Variants in ARL9 observed in about 807,000 individuals in gnomAD.
ARL9 encodes the protein ADP-ribosylation factor-like protein 9.
Under a neutral mutation model 27.0 loss-of-function variants are expected in ARL9, and 14 were observed. The observed-to-expected ratio is 0.52, with a 90% CI of 0.34 to 0.81. The LOEUF is 0.81. ARL9 is among the 30% of genes least tolerant of loss of function. ARL9 has a pLI of 0.01. For synonymous variants in ARL9, 106 were observed against 108.7 expected, an observed-to-expected ratio of 0.98 and a Z score of 0.15; for missense variants, 294 against 290.0, an observed-to-expected ratio of 1.01 and a Z score of -0.10.
intron 3 of ARL9, among the ~76,000 whole-genome samples, chr4:56,520,486 A>G (rs552983046): frequency 4.6e-5 from 7 of 152,282 alleles, no homozygotes; most frequent in Non-Finnish European, 1.0e-4. Flanking sequence ...TGGAGTGGTG[A>G]TTTCCATGGG....
At chr4:56,521,408 A>G (rs1408326787) in intron 3 of ARL9, among the ~76,000 whole-genome samples, 7 of 152,108 alleles carry the variant, frequency 4.6e-5, no homozygotes, top group African/African-American at 1.4e-4. Context: ...CCAATTTTTT[A>G]TTGTTCTTAA....
intron 2 of ARL9, among the ~76,000 whole-genome samples, chr4:56,512,538 CTT>C (rs34744797): frequency 0.016 from 2,058 of 129,978 alleles, 19 homozygotes; most frequent in Non-Finnish European, 0.024. Context: ...ATCAATCATT[CTT>C]TTTTTTTTTT....
chr4:56,508,090 G>A (rs967391262), intron 1 of ARL9, among the ~76,000 whole-genome samples: 4 of 152,030 alleles, frequency 2.6e-5, no homozygotes, highest in Admixed American at 2.6e-4. Context: ...AATGAATGAA[G>A]TATGTTGGGG....
intron 2 of ARL9, among the ~76,000 whole-genome samples, chr4:56,515,745 A>G (rs1721751018): frequency 6.6e-6 from 1 of 152,226 alleles, no homozygotes; most frequent in South Asian, 2.1e-4. Context: ...GAATAAATCA[A>G]ACAAAAAAAG....
At chr4:56,507,318 T>C (rs950612700) in intron 1 of ARL9, among the ~76,000 whole-genome samples, 2 of 151,886 alleles carry the variant, frequency 1.3e-5, no homozygotes, top group Admixed American at 6.6e-5. Context: ...CTGATATTTT[T>C]GTTTTTGTTT....
intron 1 of ARL9, among the ~76,000 whole-genome samples, chr4:56,507,522 C>T (rs1578206423): frequency 1.3e-5 from 2 of 150,818 alleles, no homozygotes; most frequent in Non-Finnish European, 3.0e-5. Context: ...GCCATGTTGC[C>T]CAGGCTGGTC....
rs536813415 is a variant in ARL9 at position 56,511,882 on chromosome 4, A to G, written c.442+535A>G. ...ACCATCTATATGCTAATGGCTCCCA[A>G]ATTTATCTATCCAGCCCAAACATAT... On this transcript the variant is annotated intron_variant, in intron 2 of 3. Coordinates refer to ENST00000640821, the MANE Select transcript of ARL9 (RefSeq NM_001363794.2). Among the ~76,000 whole-genome samples, 204 of 152,272 alleles carry G rather than the reference A, an allele frequency of 1.3e-3. No homozygotes were observed. The Middle Eastern group carries it at 0.024, about 18-fold the overall frequency.
chr4:56,511,286 C>A lies in ARL9; in HGVS notation c.381C>A (p.Pro127=). ...ACAGAGTCCAGCACAGTGTGGCACC[C>A]ACCCAAGGTTTCCATGCAGTTTGCA... is the stretch of plus-strand genomic sequence containing the variant. ...ASNRVQHSVA[P]TQGFHAVCIN... Residue 127 remains proline, a synonymous_variant, in exon 2 of 4, where the codon CCC becomes CCA. Transcript: ENST00000640821. 1 of 1,613,852 alleles carries A rather than the reference C, an allele frequency of 6.2e-7. No homozygotes were observed. Among genetic ancestry groups the A allele is most frequent in the African/African-American group, 1.3e-5 (1 of 75,064 alleles).
Position 56,524,204 on chromosome 4 carries a change from A to G in ARL9, c.*328A>G. The G allele has an allele frequency of 5.1e-6, 1 of 196,920 alleles. No individual in the cohort carries two copies. The highest frequency in any genetic ancestry group is 1.2e-4 in the East Asian group (1 of 8,344). 12.2% of individuals were successfully genotyped at this position (196,920 alleles called of 1,614,324 possible). A position where few individuals can be genotyped will look rare whatever the true frequency, so the allele number is the denominator to read the frequency against. On this transcript the variant is annotated 3_prime_UTR_variant, in exon 4 of 4. Transcript: ENST00000640821. Reference sequence around the variant, plus strand: ...TATAAGTAATCTAAAGATGATTTAAAATACACGAGTAGAAGTGTGTAGGTT... The same window carrying G: ...TATAAGTAATCTAAAGATGATTTAAGATACACGAGTAGAAGTGTGTAGGTT...
rs1270546559 is a variant in ARL9 at position 56,518,802 on chromosome 4, G to T, written c.567G>T (p.Gln189His). Residue 189 changes from glutamine (Q) to histidine (H), a missense_variant, in exon 3 of 4, where the codon CAG becomes CAT. Physicochemically the swap from Gln to His is conservative, Grantham distance 24. Coordinates refer to ENST00000640821, the MANE Select transcript of ARL9 (RefSeq NM_001363794.2). Reference sequence around the variant, plus strand: ...CTGAAGCCAAGAAATACCTTCATCAGCTAATTGCAGCAAACCCAGTACTTC... The same window carrying T: ...CTGAAGCCAAGAAATACCTTCATCATCTAATTGCAGCAAACCCAGTACTTC... ...RLPEAKKYLH[Q>H]LIAANPVLPL... 3 of 1,613,868 alleles carry T rather than the reference G, an allele frequency of 1.9e-6. No individual in the cohort carries two copies. The African/African-American group carries it at 4.0e-5, about 22-fold the overall frequency.
chr4:56,514,729 T>C (rs1015982417), intron 2 of ARL9, among the ~76,000 whole-genome samples: 3 of 152,188 alleles, frequency 2.0e-5, no homozygotes, highest in African/African-American at 4.8e-5. Context: ...ATAGGTGGGC[T>C]CTTATCAATC....
chr4:56,506,789 TGTGTGTGTGTGTGTGTGTGTGTG>T, intron 1 of ARL9: 1 of 153,054 alleles, frequency 6.5e-6, no homozygotes, highest in African/African-American at 3.2e-5. Context: ...AACACAGTTG[TGTGTGTGTGTGTGTGTGTGTGTG>T]TGTGTGTGTG....
chr4:56,511,967 T>C (rs1258034616), intron 2 of ARL9, among the ~76,000 whole-genome samples: 1 of 152,232 alleles, frequency 6.6e-6, no homozygotes, highest in African/African-American at 2.4e-5. Flanking sequence ...CAATATCTGT[T>C]CTTTTTCCTT....
intron 2 of ARL9, among the ~76,000 whole-genome samples, chr4:56,513,035 G>T (rs1056108965): frequency 1.3e-5 from 2 of 152,200 alleles, no homozygotes; most frequent in Admixed American, 1.3e-4. Flanking sequence ...AATGCATTAA[G>T]TGCCAACTGT....
chr4:56,507,454 A>G (rs912334583), intron 1 of ARL9, among the ~76,000 whole-genome samples: 1 of 151,700 alleles, frequency 6.6e-6, no homozygotes, highest in African/African-American at 2.4e-5. Flanking sequence ...AGCTGGGATT[A>G]CAGGTGCACA....
At chr4:56,512,140 T>G (rs973516196) in intron 2 of ARL9, among the ~76,000 whole-genome samples, 4 of 152,204 alleles carry the variant, frequency 2.6e-5, no homozygotes, top group African/African-American at 9.6e-5. Context: ...ATTGGTTATA[T>G]CCTTTGTACT....
At chr4:56,508,883 G>T (rs976756066) in intron 1 of ARL9, among the ~76,000 whole-genome samples, 1 of 152,108 alleles carries the variant, frequency 6.6e-6, no homozygotes, top group Admixed American at 6.6e-5. Context: ...AACATTTAGA[G>T]TTCAAGCAGA....
In ARL9 at chr4:56,505,892, GAAGGAA is replaced by G; in HGVS notation, c.36_41del (p.Lys13_Glu14del). 1 of 1,258,492 alleles carries G rather than the reference GAAGGAA, an allele frequency of 7.9e-7. No individual in the cohort carries two copies. The highest frequency in any genetic ancestry group is 1.0e-6 in the Non-Finnish European group (1 of 1,002,880). The allele number at this position is 1,258,492 out of a possible 1,614,324, so 78.0% of individuals were successfully genotyped here. On this transcript the variant is annotated inframe_deletion, in exon 1 of 4. Coordinates refer to ENST00000640821, the MANE Select transcript of ARL9 (RefSeq NM_001363794.2). The stretch of plus-strand genomic sequence containing the variant: ...AGAGGGGGAAAGTGAAGAAGAAAGA[GAAGGAA>G]AAGGAGACGCAGGAGGAGAAAATCG...
At chr4:56,516,151 GGT>G (rs1721760676) in intron 2 of ARL9, among the ~76,000 whole-genome samples, 2 of 152,132 alleles carry the variant, frequency 1.3e-5, no homozygotes, top group Admixed American at 6.6e-5. Flanking sequence ...TTCAATAAAT[GGT>G]GCAGGGACCA....
Sources: allele counts gnomAD v4.1 joint callset (sites outside exome capture counted in the v4.1 genomes callset), GRCh38; gene constraint gnomAD v4.1.1; transcripts MANE v1.5; gene names NCBI Gene and HGNC (gene_info 2026-07-23, HGNC 2026-07-21).